Variants in DCP2 observed in about 807,000 individuals in gnomAD.
DCP2 encodes the protein decapping mRNA 2.
A neutral mutation model predicts 56.1 loss-of-function variants in DCP2; 30 were observed. The ratio of observed to expected loss-of-function variants is 0.53; its 90% confidence interval spans 0.40 to 0.73. The LOEUF (loss-of-function observed/expected upper bound fraction) is 0.73. Ranked by LOEUF, DCP2 falls within the 30% of genes least tolerant of loss-of-function variation. DCP2 has a pLI of 0.00. For missense variants in DCP2, 533 were observed against 502.7 expected (o/e 1.06, Z -0.58); for synonymous variants, 197 against 163.3 (o/e 1.21, Z -1.57).
intron 1 of DCP2, among the ~76,000 whole-genome samples, chr5:112,978,777 T>C (rs1266562121): frequency 2.0e-5 from 3 of 152,200 alleles, no homozygotes; most frequent in East Asian, 3.8e-4. Context: ...TATGAGATTG[T>C]GATCTTTATT....
chr5:113,001,720 A>G, intron 7 of DCP2, 46 bp downstream of exon 7: 1 of 1,537,830 alleles, frequency 6.5e-7, no homozygotes, highest in Admixed American at 1.7e-5. Context: ...ATAGTTTTTA[A>G]AAGTGGAATA....
intron 4 of DCP2, among the ~76,000 whole-genome samples, chr5:112,996,006 T>A (rs1355586709): frequency 6.6e-6 from 1 of 152,218 alleles, no homozygotes; most frequent in East Asian, 1.9e-4. Flanking sequence ...GCACCAGCCC[T>A]GTCAGATTAG....
intron 2 of DCP2, among the ~76,000 whole-genome samples, chr5:112,986,450 C>T (rs1051279368): frequency 2.0e-5 from 3 of 151,892 alleles, no homozygotes; most frequent in Non-Finnish European, 4.4e-5. Context: ...ATCCTCCTCC[C>T]TAGCCTCTCG....
Position 113,014,410 on chromosome 5 carries a change from C to T in DCP2, c.*926C>T, listed in dbSNP as rs1389843202. On this transcript the variant is annotated 3_prime_UTR_variant, in exon 11 of 11. Transcript: ENST00000389063. ...TTGGAAACTGATGTTACATTAGGTT[C>T]CAATTCGCAATAGTAGCAGAGACTG... 1 of 152,208 alleles carries T rather than the reference C, an allele frequency of 6.6e-6. No homozygotes were observed. The highest frequency in any genetic ancestry group is 2.4e-5 in the African/African-American group (1 of 41,416). The allele number at this position is 152,208 out of a possible 1,614,324, so 9.4% of individuals were successfully genotyped here.
rs1215956036 is a variant in DCP2, at chr5:113,021,843, ATCTT to A, written c.*8365_*8368del. Among the ~76,000 whole-genome samples the A allele has an allele frequency of 2.6e-5, 4 of 152,202 alleles. No homozygotes were observed. The highest frequency in any genetic ancestry group is 9.6e-5 in the African/African-American group (4 of 41,468). On this transcript the variant is annotated 3_prime_UTR_variant, in exon 11 of 11. Coordinates refer to ENST00000389063, the MANE Select transcript of DCP2 (RefSeq NM_152624.6). ...TCCTTGATTACATTCCATTTTAATG[ATCTT>A]TCTTTAAGAGGGGAAAAGACTCTCT...
intron 8 of DCP2, among the ~76,000 whole-genome samples, chr5:113,005,155 T>TGTGGGTGTGTGG (rs1554101219): frequency 4.1e-4 from 62 of 150,162 alleles, no homozygotes; most frequent in East Asian, 1.4e-3. Flanking sequence ...CGTGTGGGTG[T>TGTGGGTGTGTGG]GTGTGTGTGT....
Position 113,001,477 on chromosome 5 carries a change from C to A in DCP2, c.698+8C>A. 1.2e-6 allele frequency: 2 copies of A among 1,610,912 alleles called. No homozygotes were observed. Among genetic ancestry groups the A allele is most frequent in the Non-Finnish European group, 1.7e-6 (2 of 1,177,592 alleles). ...GGCCATTCCCTTTATCAGGTGTGTTCATATTTCTTGAAATGTAACTTTCAT... is the reference window on the plus strand; with the variant it reads ...GGCCATTCCCTTTATCAGGTGTGTTAATATTTCTTGAAATGTAACTTTCAT... On this transcript the variant is annotated splice_region_variant and intron_variant, in intron 6 of 10. Coordinates refer to ENST00000389063, the MANE Select transcript of DCP2 (RefSeq NM_152624.6).
In DCP2 at chr5:112,996,099, C is replaced by T. The variant is rs949302891; in HGVS notation, c.432+3329C>T. 2.0e-5 allele frequency among the ~76,000 whole-genome samples: 3 copies of T among 152,300 alleles called. No homozygotes were observed. The South Asian group carries it at 6.2e-4, about 32-fold the overall frequency. ...AAATACAGTTACATGGGGGGTTGAG[C>T]TTCAACATATGAATTTTTTTGGTGA... On this transcript the variant is annotated intron_variant, in intron 4 of 10. Transcript: ENST00000389063.
At position 113,017,391 on chromosome 5, in the gene DCP2, G is replaced by C. The variant is rs1294046411; in HGVS notation, c.*3907G>C. 5 of 152,194 alleles carry C rather than the reference G, an allele frequency of 3.3e-5. No individual in the cohort carries two copies. The highest frequency in any genetic ancestry group is 1.5e-5 in the Non-Finnish European group (1 of 68,048). 9.4% of individuals were successfully genotyped at this position (152,194 alleles called of 1,614,324 possible). A position where few individuals can be genotyped will look rare whatever the true frequency, so the allele number is the denominator to read the frequency against. On this transcript the variant is annotated 3_prime_UTR_variant, in exon 11 of 11. Coordinates refer to ENST00000389063, the MANE Select transcript of DCP2 (RefSeq NM_152624.6). ...AACAATTTTGTCAAACAGTACTCCT[G>C]ACAGCTTGGTAAAGTCTAGGTAGAG...
chr5:112,998,097 T>A (rs1748949854), intron 4 of DCP2, among the ~76,000 whole-genome samples: 1 of 152,234 alleles, frequency 6.6e-6, no homozygotes, highest in Non-Finnish European at 1.5e-5. Context: ...TCAACTATTA[T>A]AACTTTTTCC....
In DCP2 at chr5:113,013,583, T is replaced by G; in HGVS notation, c.*99T>G. 1 of 1,382,372 alleles carries G rather than the reference T, an allele frequency of 7.2e-7. No homozygotes were observed. The highest frequency in any genetic ancestry group is 9.9e-7 in the Non-Finnish European group (1 of 1,012,914). The allele number at this position is 1,382,372 out of a possible 1,614,324, so 85.6% of individuals were successfully genotyped here. On this transcript the variant is annotated 3_prime_UTR_variant, in exon 11 of 11. Coordinates refer to ENST00000389063, the MANE Select transcript of DCP2 (RefSeq NM_152624.6). ...ACCTTTCTCAGGTGTTTTAAAGAAA[T>G]GCAGGGAGGCAATGTTTCTGAAGAC...
chr5:112,979,039 C>A (rs191323209), intron 1 of DCP2, among the ~76,000 whole-genome samples: 1 of 152,208 alleles, frequency 6.6e-6, no homozygotes, highest in Admixed American at 6.5e-5. Context: ...ATGTATGGAA[C>A]CTATTCACAA....
intron 4 of DCP2, among the ~76,000 whole-genome samples, chr5:112,999,779 GGCCGGGCA>G (rs940779440): frequency 1.3e-5 from 2 of 151,762 alleles, no homozygotes; most frequent in African/African-American, 4.8e-5. Flanking sequence ...ACAGGCGTGC[GGCCGGGCA>G]TGGTGGCTCA....
chr5:112,995,876 C>A (rs1748823817), intron 4 of DCP2, among the ~76,000 whole-genome samples: 1 of 152,170 alleles, frequency 6.6e-6, no homozygotes, highest in African/African-American at 2.4e-5. Flanking sequence ...TGCAACGGTT[C>A]TAGACGCTGG....
At chr5:113,009,772 A>C (rs532321512) in intron 9 of DCP2, among the ~76,000 whole-genome samples, 1 of 152,242 alleles carries the variant, frequency 6.6e-6, no homozygotes, top group South Asian at 2.1e-4. Context: ...TTTAAAGACT[A>C]TCAGACACTA....
At position 113,004,093 on chromosome 5, in the gene DCP2, T is replaced by C. The variant is rs781555596; in HGVS notation, c.942+16T>C. The C allele has an allele frequency of 1.0e-5, 16 of 1,599,358 alleles. No homozygotes were observed. The highest frequency in any genetic ancestry group is 3.3e-4 in the Middle Eastern group (2 of 5,978). On this transcript the variant is annotated intron_variant, in intron 8 of 10. Coordinates refer to ENST00000389063, the MANE Select transcript of DCP2 (RefSeq NM_152624.6). ...AAAAGGAAAGGTGAGTGATACACAA[T>C]TACAGTCTTTTCAGAAATTTAGATC... is the stretch of plus-strand genomic sequence containing the variant.
chr5:112,995,760 C>T (rs539379849), intron 4 of DCP2, among the ~76,000 whole-genome samples: 1 of 152,122 alleles, frequency 6.6e-6, no homozygotes, highest in South Asian at 2.1e-4. Flanking sequence ...TTTAAATGAC[C>T]GACTTTGTCG....
intron 7 of DCP2, among the ~76,000 whole-genome samples, chr5:113,003,054 T>C (rs960860737): frequency 6.6e-6 from 1 of 152,226 alleles, no homozygotes; most frequent in African/African-American, 2.4e-5. Flanking sequence ...ATAGTAAGCA[T>C]TTCTTAAATC....
chr5:113,017,662 G>C lies in DCP2; in HGVS notation c.*4178G>C, dbSNP rs1468167283. ...AAAAATATGATAGATTATTGTTATAGAATCAAAGTGTCCTGAAGGGAGAAG... is the reference window on the plus strand; with the variant it reads ...AAAAATATGATAGATTATTGTTATACAATCAAAGTGTCCTGAAGGGAGAAG... On this transcript the variant is annotated 3_prime_UTR_variant, in exon 11 of 11. Coordinates refer to ENST00000389063, the MANE Select transcript of DCP2 (RefSeq NM_152624.6). 3 of 152,156 alleles carry C rather than the reference G, an allele frequency of 2.0e-5. No individual in the cohort carries two copies. Among genetic ancestry groups the C allele is most frequent in the African/African-American group, 7.2e-5 (3 of 41,424 alleles). The allele number at this position is 152,156 out of a possible 1,614,324, so 9.4% of individuals were successfully genotyped here.
Sources: gnomAD v4.1 joint callset for allele counts (sites outside exome capture counted in the v4.1 genomes callset) on GRCh38, gnomAD v4.1.1 for gene constraint, MANE v1.5 for transcripts, NCBI Gene and HGNC (gene_info 2026-07-23, HGNC 2026-07-21) for gene names.